The following GRIK2 variants were observed in gnomAD, a reference collection of about 807,000 sequenced individuals.
GRIK2 encodes the protein glutamate receptor ionotropic, kainate 2.
In GRIK2, 32 loss-of-function variants were observed where a neutral mutation model predicts 100.3. The observed-to-expected ratio is 0.32, with a 90% CI of 0.24 to 0.43. The LOEUF is 0.43. Among genes scored for constraint, GRIK2 ranks in the 20% least tolerant of loss-of-function variants. GRIK2 has a pLI of 1.00. For missense variants in GRIK2, 843 were observed against 1,114.9 expected, an observed-to-expected ratio of 0.76 and a Z score of 3.47; for synonymous variants, 417 against 389.4, an observed-to-expected ratio of 1.07 and a Z score of -0.83.
At chr6:101,963,131 C>G (rs1266081991) in intron 14 of GRIK2, among the ~76,000 whole-genome samples, 2 of 151,040 alleles carry the variant, frequency 1.3e-5, no homozygotes, top group Non-Finnish European at 3.0e-5. Flanking sequence ...CTCTCCTTTA[C>G]CAGTTTTGCA....
intron 12 of GRIK2, among the ~76,000 whole-genome samples, chr6:101,922,702 A>G (rs1358592903): frequency 6.6e-6 from 1 of 152,166 alleles, no homozygotes; most frequent in Non-Finnish European, 1.5e-5. Context: ...AACTAATGGC[A>G]TATGGCTGTG....
chr6:101,697,098 A>G (rs932832030), intron 7 of GRIK2, among the ~76,000 whole-genome samples: 5 of 152,020 alleles, frequency 3.3e-5, no homozygotes, highest in African/African-American at 1.2e-4. Context: ...GTCAAATAGA[A>G]ATAATAAATT....
At chr6:101,406,247 T>TTC (rs954638553) in intron 2 of GRIK2, among the ~76,000 whole-genome samples, 41 of 152,108 alleles carry the variant, frequency 2.7e-4, no homozygotes, top group Non-Finnish European at 7.4e-5. Context: ...AATTTTACTT[T>TTC]TGCATTTGGG....
intron 7 of GRIK2, among the ~76,000 whole-genome samples, chr6:101,737,028 T>C (rs887550913): frequency 1.3e-5 from 2 of 152,176 alleles, no homozygotes; most frequent in African/African-American, 2.4e-5. Flanking sequence ...ACCAGTCTCT[T>C]TGCTAAAAGA....
In GRIK2 at chr6:101,833,803, T is replaced by TTAA. The variant is rs569211058; in HGVS notation, c.1317+15322_1317+15323insATA. On this transcript the variant is annotated intron_variant, in intron 10 of 16. Transcript: ENST00000369134. ...CTATATTTTGTTTGCTCTATTATAT[T>TTAA]TAGGTATATTCACTAGTGACTGCTC... 1.3e-3 allele frequency among the ~76,000 whole-genome samples: 193 copies of TTAA among 152,202 alleles called. 1 individual carries two copies. Among genetic ancestry groups the TTAA allele is most frequent in the African/African-American group, 4.3e-3 (180 of 41,554 alleles).
intron 15 of GRIK2, among the ~76,000 whole-genome samples, chr6:102,047,863 T>C (rs1770977423): frequency 6.6e-6 from 1 of 152,002 alleles, no homozygotes; most frequent in Non-Finnish European, 1.5e-5. Flanking sequence ...AGCAATCCTA[T>C]AGATTATGTG....
At chr6:101,609,855 G>C (rs1347311801) in intron 2 of GRIK2, among the ~76,000 whole-genome samples, 2 of 151,636 alleles carry the variant, frequency 1.3e-5, no homozygotes, top group South Asian at 2.1e-4. Context: ...GGTGTGAGAG[G>C]GAACTTGAAA....
intron 2 of GRIK2, among the ~76,000 whole-genome samples, chr6:101,540,155 A>G (rs1042334689): frequency 6.6e-6 from 1 of 151,788 alleles, no homozygotes; most frequent in African/African-American, 2.4e-5. Flanking sequence ...GAAGATATAC[A>G]TTCTTTTGCA....
intron 4 of GRIK2, among the ~76,000 whole-genome samples, chr6:101,627,367 C>G (rs914534794): frequency 6.6e-6 from 1 of 152,094 alleles, no homozygotes; most frequent in Non-Finnish European, 1.5e-5. Context: ...GTCTCGAACT[C>G]CTGACCTTAA....
At chr6:101,886,143 T>G (rs1395290960) in intron 11 of GRIK2, among the ~76,000 whole-genome samples, 2 of 152,172 alleles carry the variant, frequency 1.3e-5, no homozygotes, top group African/African-American at 4.8e-5. Flanking sequence ...TTCCTGGATG[T>G]CATATAATTG....
chr6:101,609,799 A>G (rs1035101633), intron 2 of GRIK2, among the ~76,000 whole-genome samples: 3 of 151,782 alleles, frequency 2.0e-5, no homozygotes, highest in African/African-American at 7.2e-5. Context: ...AGAAGGTTAT[A>G]CCCTTGGTCC....
Position 101,399,137 on chromosome 6 carries a change from CG to C in GRIK2, c.-139del, listed in dbSNP as rs1775139944. ...AGCGATTGCTAATGGGTTTGGGAAGCGGAGACTCCTTCCTCTCTCTATGACC... is the reference window on the plus strand; with the variant it reads ...AGCGATTGCTAATGGGTTTGGGAAGCGAGACTCCTTCCTCTCTCTATGACC... On this transcript the variant is annotated 5_prime_UTR_variant, in exon 2 of 17. It removes the in-frame stop codon of an upstream open reading frame in the 5' UTR. Transcript: ENST00000369134. 1.7e-6 allele frequency: 1 copy of C among 598,508 alleles called. No homozygotes were observed. The highest frequency in any genetic ancestry group is 3.0e-6 in the Non-Finnish European group (1 of 330,394). The allele number at this position is 598,508 out of a possible 1,614,324, so 37.1% of individuals were successfully genotyped here. A position where few individuals can be genotyped will look rare whatever the true frequency, so the allele number is the denominator to read the frequency against.
At chr6:101,604,154 AC>A (rs1779345567) in intron 2 of GRIK2, among the ~76,000 whole-genome samples, 1 of 151,756 alleles carries the variant, frequency 6.6e-6, no homozygotes, top group Non-Finnish European at 1.5e-5. Flanking sequence ...AAGGTTAGTT[AC>A]AAATTATCCC....
intron 2 of GRIK2, among the ~76,000 whole-genome samples, chr6:101,466,556 A>C (rs975405779): frequency 6.6e-6 from 1 of 151,938 alleles, no homozygotes; most frequent in East Asian, 1.9e-4. Context: ...CGAAATATTA[A>C]CAACAAAGCT....
intron 7 of GRIK2, among the ~76,000 whole-genome samples, chr6:101,779,886 T>A (rs910216977): frequency 1.3e-5 from 2 of 152,144 alleles, no homozygotes; most frequent in Non-Finnish European, 2.9e-5. Flanking sequence ...TCTATATATA[T>A]ATAAAATTGT....
intron 2 of GRIK2, among the ~76,000 whole-genome samples, chr6:101,460,841 T>C (rs1414125927): frequency 5.9e-5 from 9 of 152,194 alleles, no homozygotes; most frequent in Admixed American, 5.9e-4. Flanking sequence ...TTTTTTTCTT[T>C]GATGAAAAGT....
intron 2 of GRIK2, among the ~76,000 whole-genome samples, chr6:101,541,491 G>A (rs947105742): frequency 1.5e-4 from 23 of 151,410 alleles, no homozygotes; most frequent in African/African-American, 5.6e-4. Flanking sequence ...AAGGATGCTG[G>A]GCAGATAAAA....
Position 101,686,354 on chromosome 6 carries a change from G to A in GRIK2, c.951+1G>A. Reference sequence around the variant, plus strand: ...AGGTTTGCTGGATGGATTTATGACGGTATGAATACCCACTTAAAGATCAGT... The same window carrying A: ...AGGTTTGCTGGATGGATTTATGACGATATGAATACCCACTTAAAGATCAGT... On this transcript the variant is annotated splice_donor_variant, in intron 7 of 16. Coordinates refer to ENST00000369134, the MANE Select transcript of GRIK2 (RefSeq NM_021956.5). LOFTEE classifies it high-confidence loss of function. The A allele has an allele frequency of 6.2e-7, 1 of 1,609,220 alleles. No individual in the cohort carries two copies. The highest frequency in any genetic ancestry group is 8.5e-7 in the Non-Finnish European group (1 of 1,175,886).
chr6:101,639,956 A>G (rs1339676711), intron 4 of GRIK2, among the ~76,000 whole-genome samples: 5 of 152,140 alleles, frequency 3.3e-5, no homozygotes, highest in African/African-American at 1.2e-4. Context: ...TGACTAACAA[A>G]CCCTAATGAA....
Sources: gnomAD v4.1 joint callset for allele counts (sites outside exome capture counted in the v4.1 genomes callset) on GRCh38, gnomAD v4.1.1 for gene constraint, MANE v1.5 for transcripts, NCBI Gene and HGNC (gene_info 2026-07-23, HGNC 2026-07-21) for gene names.